BBX: variants seen among roughly 807,000 people sequenced by gnomAD.
The protein encoded by BBX is BBX high mobility group box domain containing.
In BBX, 30 loss-of-function variants were observed where a neutral mutation model predicts 100.2. That is an observed-to-expected ratio of 0.30 (90% CI 0.22 to 0.41). BBX has a LOEUF of 0.41. Among genes scored for constraint, BBX ranks in the 10% least tolerant of loss-of-function variants. The probability of loss-of-function intolerance (pLI) is 1.00; values close to 1 mark genes in which losing one functional copy is unlikely to be tolerated. For synonymous variants in BBX, 376 were observed against 388.1 expected (o/e 0.97, Z 0.37); for missense variants, 1,023 against 1,129.8 (o/e 0.91, Z 1.35).
At chr3:107,581,141 CT>C (rs1337157198) in intron 2 of BBX, among the ~76,000 whole-genome samples, 1 of 151,998 alleles carries the variant, frequency 6.6e-6, no homozygotes, top group African/African-American at 2.4e-5. Context: ...TTAAACCAAG[CT>C]TTTAATTTTT....
At chr3:107,589,692 C>G (rs919537284) in intron 2 of BBX, among the ~76,000 whole-genome samples, 1 of 152,154 alleles carries the variant, frequency 6.6e-6, no homozygotes, top group African/African-American at 2.4e-5. Context: ...TCTTCATTGT[C>G]TCTGGGAAGA....
At chr3:107,714,525 C>T (rs1183634578) in intron 4 of BBX, among the ~76,000 whole-genome samples, 1 of 152,148 alleles carries the variant, frequency 6.6e-6, no homozygotes, top group Non-Finnish European at 1.5e-5. Flanking sequence ...ATAATTGCTT[C>T]TTCATCTTAT....
intron 8 of BBX, among the ~76,000 whole-genome samples, chr3:107,747,475 G>A (rs2064718056): frequency 6.6e-6 from 1 of 151,970 alleles, no homozygotes. Flanking sequence ...CATGTTGTGG[G>A]TAAGTAGCAG....
chr3:107,781,749 C>T (rs532957166), intron 13 of BBX, among the ~76,000 whole-genome samples: 5 of 152,190 alleles, frequency 3.3e-5, no homozygotes, highest in Admixed American at 3.3e-4. Flanking sequence ...CACTTCTTCA[C>T]CTTATTCCTT....
chr3:107,639,975 T>C (rs2107762853), intron 2 of BBX, among the ~76,000 whole-genome samples: 1 of 152,346 alleles, frequency 6.6e-6, no homozygotes, highest in South Asian at 2.1e-4. Context: ...CTTTATTAAA[T>C]GCTTTTCTAC....
chr3:107,652,170 A>G (rs980561863), intron 3 of BBX, among the ~76,000 whole-genome samples: 6 of 140,374 alleles, frequency 4.3e-5, no homozygotes, highest in African/African-American at 1.6e-4. Context: ...CTTGTGGGAT[A>G]TTGATATAGG....
At chr3:107,599,888 G>A (rs1019526587) in intron 2 of BBX, among the ~76,000 whole-genome samples, 8 of 145,872 alleles carry the variant, frequency 5.5e-5, no homozygotes, top group African/African-American at 2.1e-4. Context: ...TTTTTAATAC[G>A]TCTCTCATTA....
At chr3:107,556,989 C>T (rs999916138) in intron 2 of BBX, among the ~76,000 whole-genome samples, 3 of 152,004 alleles carry the variant, frequency 2.0e-5, no homozygotes, top group Non-Finnish European at 2.9e-5. Flanking sequence ...TATTGTATTC[C>T]ATAAGGTATA....
In BBX at chr3:107,738,619, G is replaced by A. The variant is rs891243705; in HGVS notation, c.669+5596G>A. Among the ~76,000 whole-genome samples the A allele has an allele frequency of 7.9e-5, 12 of 152,134 alleles. No homozygotes were observed. The East Asian group carries it at 9.6e-4, about 12-fold the overall frequency. On this transcript the variant is annotated intron_variant, in intron 7 of 17. Coordinates refer to ENST00000325805, the MANE Select transcript of BBX (RefSeq NM_001142568.3). ...AAAGTGGCAGAACTGGGATTCCAACGCCGGAGGACTAGCTTCAGTCTTCTT... is the reference window on the plus strand; with the variant it reads ...AAAGTGGCAGAACTGGGATTCCAACACCGGAGGACTAGCTTCAGTCTTCTT...
At chr3:107,733,866 A>AT (rs1244277771) in intron 7 of BBX, among the ~76,000 whole-genome samples, 1 of 152,108 alleles carries the variant, frequency 6.6e-6, no homozygotes, top group Non-Finnish European at 1.5e-5. Context: ...TTTAGGTATG[A>AT]TTTTGACGGG....
At chr3:107,591,066 A>G (rs544812513) in intron 2 of BBX, among the ~76,000 whole-genome samples, 5 of 152,302 alleles carry the variant, frequency 3.3e-5, no homozygotes, top group Middle Eastern at 3.4e-3. Flanking sequence ...GATTTGGCCA[A>G]TTTTCTAAAG....
chr3:107,763,963 T>C (rs1383152704), intron 10 of BBX, among the ~76,000 whole-genome samples: 3 of 152,168 alleles, frequency 2.0e-5, no homozygotes, highest in Non-Finnish European at 4.4e-5. Flanking sequence ...AGCAGTAGCA[T>C]GGTCATAATT....
chr3:107,553,734 A>G (rs2049874447), intron 2 of BBX, among the ~76,000 whole-genome samples: 1 of 152,224 alleles, frequency 6.6e-6, no homozygotes, highest in African/African-American at 2.4e-5. Context: ...ATTTCTGATT[A>G]CTATCTCACT....
chr3:107,729,301 C>T (rs1374784880), intron 6 of BBX, among the ~76,000 whole-genome samples: 1 of 151,998 alleles, frequency 6.6e-6, no homozygotes, highest in Admixed American at 6.6e-5. Context: ...GTAAGCCATC[C>T]CAGGATGCAC....
intron 17 of BBX, among the ~76,000 whole-genome samples, chr3:107,804,673 C>T (rs953296890): frequency 3.9e-5 from 6 of 152,178 alleles, no homozygotes; most frequent in Admixed American, 1.3e-4. Flanking sequence ...GGAGTTCTCC[C>T]TCCATGTGTA....
At chr3:107,589,087 C>T (rs1302397502) in intron 2 of BBX, among the ~76,000 whole-genome samples, 2 of 152,160 alleles carry the variant, frequency 1.3e-5, no homozygotes, top group African/African-American at 2.4e-5. Flanking sequence ...CTTTTTTACA[C>T]ACCACATTAG....
intron 10 of BBX, among the ~76,000 whole-genome samples, chr3:107,770,902 G>A (rs1325575178): frequency 6.6e-6 from 1 of 152,200 alleles, no homozygotes; most frequent in Non-Finnish European, 1.5e-5. Context: ...AAAAGCATCT[G>A]GTATTTAATT....
At chr3:107,671,637 A>T (rs1050351816) in intron 3 of BBX, among the ~76,000 whole-genome samples, 8 of 152,122 alleles carry the variant, frequency 5.3e-5, no homozygotes, top group Non-Finnish European at 1.2e-4. Context: ...ATACAGAGAA[A>T]CATATCTCAA....
intron 3 of BBX, among the ~76,000 whole-genome samples, chr3:107,690,892 C>CTTTTTTTTTTTTTTTTTTTTTTTT (rs66523709): frequency 2.4e-5 from 1 of 41,190 alleles, no homozygotes; most frequent in African/African-American, 1.1e-4. Context: ...GCCCCCCCCC[C>CTTTTTTTTTTTTTTTTTTTTTTTT]TTTTTTTTTT....
Sources: allele counts gnomAD v4.1 joint callset (sites outside exome capture counted in the v4.1 genomes callset), GRCh38; gene constraint gnomAD v4.1.1; transcripts MANE v1.5; gene names NCBI Gene and HGNC (gene_info 2026-07-23, HGNC 2026-07-21).